The following FREM2 variants were observed in gnomAD, a reference collection of about 807,000 sequenced individuals.
FREM2 encodes the protein FRAS1 related extracellular matrix 2.
A neutral mutation model predicts 219.9 loss-of-function variants in FREM2; 119 were observed. The observed-to-expected ratio is 0.54, with a 90% CI of 0.47 to 0.63. The LOEUF (loss-of-function observed/expected upper bound fraction) is 0.63. Among genes scored for constraint, FREM2 ranks in the 30% least tolerant of loss-of-function variants. FREM2 has a pLI of 0.00. For synonymous variants in FREM2, 1,562 were observed against 1,522.8 expected, an observed-to-expected ratio of 1.03 and a Z score of -0.60; for missense variants, 4,030 against 3,993.6, an observed-to-expected ratio of 1.01 and a Z score of -0.25.
intron 2 of FREM2, among the ~76,000 whole-genome samples, chr13:38,752,384 A>G (rs989181820): frequency 1.6e-4 from 24 of 152,220 alleles, no homozygotes; most frequent in African/African-American, 5.5e-4. Context: ...AGCTAAGAAC[A>G]TGTTCCTGAT....
In FREM2 at chr13:38,687,651, G is replaced by C. The variant is rs201252176; in HGVS notation, c.307G>C (p.Asp103His). The C allele has an allele frequency of 1.3e-5, 21 of 1,607,244 alleles. No homozygotes were observed. Among genetic ancestry groups the C allele is most frequent in the Non-Finnish European group, 1.7e-5 (20 of 1,176,458 alleles). The change falls in exon 1 of 24, where the codon GAC becomes CAC. Residue 103 changes from aspartate (D) to histidine (H), a missense_variant. Asp to His is a moderately conservative substitution (Grantham distance 81, BLOSUM62 -1). Coordinates refer to ENST00000280481, the MANE Select transcript of FREM2 (RefSeq NM_207361.6). ...CCTGGTGTTGCAGGTGCAGCCCGGG[G>C]ACCGCTGCGCGGTTTCGGTACTAGA... is the stretch of plus-strand genomic sequence containing the variant. ...HDLVLQVQPG[D>H]RCAVSVLDND...
chr13:38,799,122 A>G (rs1297324926), intron 6 of FREM2, among the ~76,000 whole-genome samples: 1 of 151,738 alleles, frequency 6.6e-6, no homozygotes, highest in Non-Finnish European at 1.5e-5. Flanking sequence ...ATTGTTATAA[A>G]CTTCCCTCTT....
chr13:38,813,640 C>T (rs1468422907), intron 6 of FREM2, among the ~76,000 whole-genome samples: 1 of 137,742 alleles, frequency 7.3e-6, no homozygotes, highest in African/African-American at 2.6e-5. Flanking sequence ...TATCCTTGAC[C>T]TTTGAGAGTT....
rs1361276107 is a variant in FREM2 at position 38,782,950 on chromosome 13, A to T, written c.5642-120A>T. ...TTCCTCCTTTTCCTCCCACTATGTT[A>T]TTCTAAAGAATATTCAAGGGGGAAA... On this transcript the variant is annotated intron_variant, in intron 4 of 23. Transcript: ENST00000280481. The T allele has an allele frequency of 4.1e-6, 5 of 1,222,690 alleles. No homozygotes were observed. The East Asian group carries it at 7.0e-5, about 17-fold the overall frequency. The allele number at this position is 1,222,690 out of a possible 1,614,324, so 75.7% of individuals were successfully genotyped here.
rs115149211 is a variant in FREM2, at chr13:38,880,348, A to G, written c.9071A>G (p.Asn3024Ser). Residue 3024 changes from asparagine (N) to serine (S), a missense_variant, in exon 24 of 24, where the codon AAT becomes AGT. Physicochemically the swap from Asn to Ser is conservative, Grantham distance 46. Coordinates refer to ENST00000280481, the MANE Select transcript of FREM2 (RefSeq NM_207361.6). The part of the protein sequence containing the change: ...IYTVRSKDNA[N>S]RGIGKRSVEY... The stretch of plus-strand genomic sequence containing the variant: ...ACAGTGAGATCGAAAGACAATGCCA[A>G]TCGAGGTATTGGCAAAAGAAGTGTG... 4.6e-4 allele frequency: 740 copies of G among 1,614,098 alleles called. 1 individual carries two copies. In the African/African-American group the frequency reaches 8.5e-3, roughly 19 times the overall value.
intron 6 of FREM2, among the ~76,000 whole-genome samples, chr13:38,832,350 A>G (rs912069048): frequency 6.6e-6 from 1 of 152,102 alleles, no homozygotes; most frequent in African/African-American, 2.4e-5. Flanking sequence ...TTACAGGGAG[A>G]AGTTCATCAA....
intron 6 of FREM2, among the ~76,000 whole-genome samples, chr13:38,805,121 A>G (rs1301961572): frequency 6.6e-6 from 1 of 152,188 alleles, no homozygotes; most frequent in Non-Finnish European, 1.5e-5. Context: ...GCCTGGATAA[A>G]CGAGCTTGAA....
At chr13:38,813,294 T>C (rs1014234249) in intron 6 of FREM2, among the ~76,000 whole-genome samples, 5 of 151,884 alleles carry the variant, frequency 3.3e-5, no homozygotes, top group Non-Finnish European at 7.4e-5. Flanking sequence ...AAGGTCTTTA[T>C]TTCTCCTTCA....
chr13:38,855,080 C>T (rs535560375), intron 11 of FREM2, among the ~76,000 whole-genome samples: 1 of 152,094 alleles, frequency 6.6e-6, no homozygotes, highest in South Asian at 2.1e-4. Flanking sequence ...TCAATAAAAT[C>T]TGATAATTGT....
chr13:38,800,425 G>A (rs966168409), intron 6 of FREM2, among the ~76,000 whole-genome samples: 1 of 151,928 alleles, frequency 6.6e-6, no homozygotes, highest in South Asian at 2.1e-4. Flanking sequence ...ATCCACTGTT[G>A]GTCTGATGGG....
At chr13:38,770,215 A>T (rs1317075468) in intron 4 of FREM2, among the ~76,000 whole-genome samples, 2 of 148,622 alleles carry the variant, frequency 1.3e-5, no homozygotes, top group African/African-American at 4.9e-5. Flanking sequence ...TTGAATATAT[A>T]TACACATATA....
rs752402375 is a variant in FREM2, at chr13:38,691,731, G to A, written c.4387G>A (p.Ala1463Thr). ...AAACTTGGTTTTTACCATCACCAGGGCTCCCATGCGAGGTCACCTGGAATG... is the reference window on the plus strand; with the variant it reads ...AAACTTGGTTTTTACCATCACCAGGACTCCCATGCGAGGTCACCTGGAATG... Reference protein sequence around the residue: ...DENLVFTITRAPMRGHLECTD... With the variant: ...DENLVFTITRTPMRGHLECTD... Residue 1463 changes from alanine (A) to threonine (T), a missense_variant, in exon 1 of 24, where the codon GCT becomes ACT. By Grantham distance (58) the Ala-to-Thr change is moderately conservative. This residue lies in a region of FREM2 where 3,102 missense variants were observed against 2,950.7 expected (regional missense o/e 1.05). Transcript: ENST00000280481. 1.5e-5 allele frequency: 25 copies of A among 1,613,572 alleles called. No individual in the cohort carries two copies. Among genetic ancestry groups the A allele is most frequent in the African/African-American group, 5.3e-5 (4 of 74,886 alleles).
At chr13:38,861,610 A>G (rs1566170393) in intron 15 of FREM2, 48 bp downstream of exon 15, 2 of 1,598,878 alleles carry the variant, frequency 1.3e-6, no homozygotes, top group African/African-American at 1.3e-5. Flanking sequence ...TGGACTCCTC[A>G]TTACCTGTTG....
At position 38,689,424 on chromosome 13, in the gene FREM2, C is replaced by T. The variant is rs1678105128; in HGVS notation, c.2080C>T (p.His694Tyr). ...GCTACAGCGGTTTGTGATTCGTATC[C>T]ATCCTGTGGATCGCCTCCCTCCGGA... ...SGLQRFVIRIHPVDRLPPELG... is the reference protein window; with the variant it reads ...SGLQRFVIRIYPVDRLPPELG... Residue 694 changes from histidine (H) to tyrosine (Y), a missense_variant, in exon 1 of 24, where the codon CAT (histidine) becomes TAT (tyrosine). Physicochemically the swap from His to Tyr is moderately conservative, Grantham distance 83 (BLOSUM62 2). This residue lies in a region of FREM2 where 3,102 missense variants were observed against 2,950.7 expected (regional missense o/e 1.05). Transcript: ENST00000280481. 6.2e-7 allele frequency: 1 copy of T among 1,614,024 alleles called. No homozygotes were observed. Among genetic ancestry groups the T allele is most frequent in the South Asian group, 1.1e-5 (1 of 91,056 alleles).
intron 2 of FREM2, among the ~76,000 whole-genome samples, chr13:38,727,738 G>A (rs1010922739): frequency 6.6e-6 from 1 of 152,196 alleles, no homozygotes; most frequent in Non-Finnish European, 1.5e-5. Context: ...ATCTCCTCAT[G>A]CATTGTATGC....
chr13:38,687,267 C>T lies in FREM2; in HGVS notation c.-78C>T. On this transcript the variant is annotated 5_prime_UTR_variant, in exon 1 of 24. Transcript: ENST00000280481. ...GCGCGGAGTTCCTGGCACTTCCCGG[C>T]GGTGTCTCTTGTTGTCTGCCCGGGG... 6.5e-7 allele frequency: 1 copy of T among 1,537,696 alleles called. No homozygotes were observed. Among genetic ancestry groups the T allele is most frequent in the African/African-American group, 1.4e-5 (1 of 72,918 alleles).
intron 6 of FREM2, among the ~76,000 whole-genome samples, chr13:38,793,732 A>G (rs763492237): frequency 6.6e-6 from 1 of 152,232 alleles, no homozygotes; most frequent in Non-Finnish European, 1.5e-5. Flanking sequence ...AACACAGGTG[A>G]TCGGTGACAG....
chr13:38,702,491 C>A (rs754855147), intron 2 of FREM2, among the ~76,000 whole-genome samples: 3 of 152,096 alleles, frequency 2.0e-5, no homozygotes, highest in Non-Finnish European at 2.9e-5. Context: ...ACAATACCAG[C>A]AAAAAGTATC....
At chr13:38,843,848 A>AT (rs1182614226) in intron 6 of FREM2, among the ~76,000 whole-genome samples, 1 of 151,462 alleles carries the variant, frequency 6.6e-6, no homozygotes, top group Non-Finnish European at 1.5e-5. Flanking sequence ...ATGCTTAACC[A>AT]TTTTTTTAAT....
Sources: allele counts gnomAD v4.1 joint callset (sites outside exome capture counted in the v4.1 genomes callset), GRCh38; gene constraint gnomAD v4.1.1; regional missense constraint gnomAD v4.1.1; transcripts MANE v1.5; gene names NCBI Gene and HGNC (gene_info 2026-07-23, HGNC 2026-07-21).